The following NHS variants were observed in gnomAD, a reference collection of about 807,000 sequenced individuals.
NHS encodes the protein actin remodeling regulator NHS.
Under a neutral mutation model 72.5 loss-of-function variants are expected in NHS, and 5 were observed. That is an observed-to-expected ratio of 0.07 (90% CI 0.04 to 0.14). The LOEUF is 0.14. NHS is among the 10% of genes least tolerant of loss of function. The pLI is 1.00. For synonymous variants in NHS, 464 were observed against 547.7 expected, an observed-to-expected ratio of 0.85 and a Z score of 2.13; for missense variants, 1,072 against 1,355.7, an observed-to-expected ratio of 0.79 and a Z score of 3.29.
intron 1 of NHS, among the ~76,000 whole-genome samples, chrX:17,656,175 C>CCGGCGCGGGGCCCGG (rs1363456823): frequency 8.8e-6 from 1 of 113,129 alleles, no homozygotes; most frequent in Non-Finnish European, 1.9e-5. Flanking sequence ...TCCCGGGGAG[C>CCGGCGCGGGGCCCGG]CGGCGCGGGG....
At chrX:17,715,750 C>A (rs1357373198) in intron 3 of NHS, among the ~76,000 whole-genome samples, 1 of 111,265 alleles carries the variant, frequency 9.0e-6, no homozygotes, top group Non-Finnish European at 1.9e-5. Context: ...CCCTCTTCCC[C>A]CCTCTACCCT....
intron 1 of NHS, among the ~76,000 whole-genome samples, chrX:17,594,864 C>T (rs2065618358): frequency 8.9e-6 from 1 of 112,456 alleles, no homozygotes; most frequent in South Asian, 3.7e-4. Flanking sequence ...GAGTTGATCC[C>T]ACCTTGAAGT....
At chrX:17,643,538 C>T (rs1325928372) in intron 1 of NHS, among the ~76,000 whole-genome samples, 2 of 111,426 alleles carry the variant, frequency 1.8e-5, no homozygotes, top group African/African-American at 3.3e-5. Context: ...GAAATGGCCT[C>T]AATCAAAATA....
At chrX:17,578,939 C>T (rs1485568629) in intron 1 of NHS, among the ~76,000 whole-genome samples, 2 of 111,297 alleles carry the variant, frequency 1.8e-5, no homozygotes, top group African/African-American at 6.6e-5. Flanking sequence ...TGACTCTGTG[C>T]GCATGTGTGT....
At position 17,646,037 on chromosome X, in the gene NHS, G is replaced by A. The variant is rs368055650; in HGVS notation, c.566-41705G>A. ...CGTGATCACGGCTCACTGCAGCCTCGAACTCCTGGGCGGAAGCAATCCTCC... is the reference window on the plus strand; with the variant it reads ...CGTGATCACGGCTCACTGCAGCCTCAAACTCCTGGGCGGAAGCAATCCTCC... On this transcript the variant is annotated intron_variant, in intron 1 of 8. Transcript: ENST00000676302. Among the ~76,000 whole-genome samples the A allele has an allele frequency of 2.8e-4, 31 of 111,461 alleles. No homozygotes were observed. The East Asian group carries it at 6.6e-3, about 24-fold the overall frequency.
intron 3 of NHS, among the ~76,000 whole-genome samples, chrX:17,704,563 G>C (rs2066285099): frequency 9.0e-6 from 1 of 111,373 alleles, no homozygotes; most frequent in Non-Finnish European, 1.9e-5. Context: ...CTCCCAAAAT[G>C]CTGGGATTAC....
intron 1 of NHS, among the ~76,000 whole-genome samples, chrX:17,606,784 T>C (rs2065681786): frequency 8.9e-6 from 1 of 112,227 alleles, no homozygotes; most frequent in Non-Finnish European, 1.9e-5. Flanking sequence ...TGCCACTGTT[T>C]GTGGGCTCAT....
At chrX:17,712,078 A>G (rs1445762198) in intron 3 of NHS, among the ~76,000 whole-genome samples, 1 of 105,352 alleles carries the variant, frequency 9.5e-6, no homozygotes, top group Non-Finnish European at 1.9e-5. Context: ...ACCATTTTAC[A>G]CTCCCACCAG....
intron 1 of NHS, among the ~76,000 whole-genome samples, chrX:17,538,248 T>G (rs1406617591): frequency 8.9e-6 from 1 of 112,044 alleles, no homozygotes; most frequent in Admixed American, 9.4e-5. Context: ...CCTGTAAAAG[T>G]GCACTGCCTT....
intron 1 of NHS, among the ~76,000 whole-genome samples, chrX:17,522,604 G>A (rs2065155465): frequency 9.5e-6 from 1 of 104,782 alleles, no homozygotes; most frequent in Non-Finnish European, 1.9e-5. Flanking sequence ...CGAAGTTCCC[G>A]GTGCTGCCAT....
chrX:17,550,525 G>A (rs765920641), intron 1 of NHS, among the ~76,000 whole-genome samples: 11 of 111,938 alleles, frequency 9.8e-5, no homozygotes, highest in East Asian at 2.8e-4. Context: ...GGGCTGAGCC[G>A]CGCAGGTCTG....
intron 1 of NHS, among the ~76,000 whole-genome samples, chrX:17,429,958 C>G (rs1369422088): frequency 9.0e-6 from 1 of 111,599 alleles, no homozygotes; most frequent in Non-Finnish European, 1.9e-5. Context: ...CACTTGCTGC[C>G]TTTTCCCCCT....
intron 3 of NHS, among the ~76,000 whole-genome samples, chrX:17,696,682 G>C (rs1300111970): frequency 3.6e-5 from 4 of 111,783 alleles, no homozygotes; most frequent in Non-Finnish European, 7.5e-5. Context: ...TGAATACATA[G>C]GTTTTTTGGT....
intron 1 of NHS, among the ~76,000 whole-genome samples, chrX:17,678,868 C>T (rs2066104535): frequency 9.1e-6 from 1 of 109,658 alleles, no homozygotes; most frequent in Non-Finnish European, 1.9e-5. Flanking sequence ...GGGATCCTGT[C>T]TTAGCCATCT....
chrX:17,656,480 G>GCGCAGC lies in NHS; in HGVS notation c.566-31261_566-31260insGCAGCC, dbSNP rs754145048. ...ACTTGGGGGTTGGGGGAGGCTCGAG[G>GCGCAGC]CCAGCCGCGCGCTAGCCCGAGAGGA... On this transcript the variant is annotated intron_variant, in intron 1 of 8. Coordinates refer to ENST00000676302, the MANE Select transcript of NHS (RefSeq NM_001291867.2). Among the ~76,000 whole-genome samples the GCGCAGC allele has an allele frequency of 1.7e-3, 189 of 112,164 alleles. 1 individual carries two copies. Among genetic ancestry groups the GCGCAGC allele is most frequent in the Middle Eastern group, 0.014 (3 of 216 alleles).
chrX:17,672,615 T>C (rs1424926244), intron 1 of NHS, among the ~76,000 whole-genome samples: 1 of 112,723 alleles, frequency 8.9e-6, no homozygotes, highest in Non-Finnish European at 1.9e-5. Context: ...CTCCTTGGTG[T>C]CTCTGATGCC....
At chrX:17,563,308 A>G (rs2065425163) in intron 1 of NHS, among the ~76,000 whole-genome samples, 1 of 112,705 alleles carries the variant, frequency 8.9e-6, no homozygotes, top group Non-Finnish European at 1.9e-5. Context: ...CATAGGGGGC[A>G]TTCAGTTAAT....
At chrX:17,528,560 G>T (rs1201314554) in intron 1 of NHS, 1 of 111,989 alleles carries the variant, frequency 8.9e-6, no homozygotes, top group Non-Finnish European at 1.9e-5. Flanking sequence ...TGCTCTGGGT[G>T]GCAGCTGTGC....
chrX:17,458,467 C>T lies in NHS; in HGVS notation c.565+82145C>T, dbSNP rs189381210. 9.3e-3 allele frequency among the ~76,000 whole-genome samples: 1,025 copies of T among 110,087 alleles called. 18 individuals are homozygous for T. Among genetic ancestry groups the T allele is most frequent in the African/African-American group, 0.032 (968 of 30,222 alleles). On this transcript the variant is annotated intron_variant, in intron 1 of 8. Transcript: ENST00000676302. Reference sequence around the variant, plus strand: ...TGGTCTTGAACTCCTGACCTCAAGTCATCTACCTGCCTCGGCCTCCCAAAG... The same window carrying T: ...TGGTCTTGAACTCCTGACCTCAAGTTATCTACCTGCCTCGGCCTCCCAAAG...
Sources: gnomAD v4.1 joint callset for allele counts (sites outside exome capture counted in the v4.1 genomes callset) on GRCh38, gnomAD v4.1.1 for gene constraint, MANE v1.5 for transcripts, NCBI Gene and HGNC (gene_info 2026-07-23, HGNC 2026-07-21) for gene names.